Variants in GALNT13 observed in about 807,000 individuals in gnomAD.
The protein encoded by GALNT13 is UDP-GalNAc:polypeptide N-acetylgalactosaminyltransferase 13.
GALNT13 carries 28 observed loss-of-function variants against 64.2 expected under a neutral mutation model. The ratio of observed to expected loss-of-function variants is 0.44; its 90% CI spans 0.32 to 0.60. The LOEUF is 0.60. Ranked by LOEUF, GALNT13 falls within the 20% of genes least tolerant of loss-of-function variation. The probability of loss-of-function intolerance (pLI) is 0.05; values close to 1 mark genes in which losing one functional copy is unlikely to be tolerated. For synonymous variants in GALNT13, 214 were observed against 224.6 expected, an observed-to-expected ratio of 0.95 and a Z score of 0.42; for missense variants, 577 against 669.8, an observed-to-expected ratio of 0.86 and a Z score of 1.53.
chr2:154,041,750 A>G (rs897532343), intron 3 of GALNT13, among the ~76,000 whole-genome samples: 3 of 140,616 alleles, frequency 2.1e-5, no homozygotes, highest in African/African-American at 7.3e-5. Context: ...GGGAATCTCT[A>G]ATGTCTTTCA....
chr2:153,856,222 T>C, the GALNT13 span, among the ~76,000 whole-genome samples: 2 of 148,832 alleles, frequency 1.3e-5, no homozygotes, highest in African/African-American at 2.5e-5. Flanking sequence ...GTTGTAAGTG[T>C]TATAAATTGT....
chr2:153,530,372 A>G, the GALNT13 span, among the ~76,000 whole-genome samples: 1 of 152,098 alleles, frequency 6.6e-6, no homozygotes, highest in Non-Finnish European at 1.5e-5. Context: ...AATAGAAGAA[A>G]ATTTCAAAAA....
At chr2:153,871,110 T>A (rs1685896917), upstream of GALNT13, among the ~76,000 whole-genome samples, 1 of 150,496 alleles carries the variant, frequency 6.6e-6, no homozygotes, top group African/African-American at 2.5e-5. Context: ...TACATGTATT[T>A]AAACTCAGTA....
At chr2:154,097,702 A>G (rs1472336566) in intron 3 of GALNT13, among the ~76,000 whole-genome samples, 5 of 150,186 alleles carry the variant, frequency 3.3e-5, no homozygotes, top group African/African-American at 1.2e-4. Context: ...AAAAAAAAAT[A>G]CATATTAGGA....
At chr2:153,799,227 T>C in the GALNT13 span, among the ~76,000 whole-genome samples, 15 of 152,158 alleles carry the variant, frequency 9.9e-5, no homozygotes, top group Non-Finnish European at 1.8e-4. Flanking sequence ...GTTTAGTTTG[T>C]TCTATTTTTG....
intron 3 of GALNT13, among the ~76,000 whole-genome samples, chr2:154,013,384 T>C (rs749900584): frequency 5.3e-5 from 8 of 152,152 alleles, no homozygotes; most frequent in East Asian, 1.9e-4. Flanking sequence ...GCTGAAGCGT[T>C]CCTCATAAGC....
intron 7 of GALNT13, among the ~76,000 whole-genome samples, chr2:154,254,451 G>A (rs1039390649): frequency 6.6e-6 from 1 of 152,058 alleles, no homozygotes; most frequent in Admixed American, 6.6e-5. Context: ...AATTTCAGAA[G>A]CAGAAGAATC....
intron 3 of GALNT13, among the ~76,000 whole-genome samples, chr2:154,061,297 G>A (rs541138891): frequency 3.3e-5 from 5 of 152,076 alleles, no homozygotes. Flanking sequence ...ATTGCAATGC[G>A]TTGGCTGTAA....
chr2:153,544,781 A>T, the GALNT13 span, among the ~76,000 whole-genome samples: 1 of 152,194 alleles, frequency 6.6e-6, no homozygotes, highest in Non-Finnish European at 1.5e-5. Context: ...TATAATACTG[A>T]AGTATGTAGT....
chr2:153,965,462 C>G (rs960221828), intron 3 of GALNT13, among the ~76,000 whole-genome samples: 1 of 151,866 alleles, frequency 6.6e-6, no homozygotes, highest in Admixed American at 6.6e-5. Flanking sequence ...TTTTTCTGTG[C>G]GTGGCTTGTT....
rs144036894 is a variant in GALNT13 at position 154,178,695 on chromosome 2, C to G, written c.311+38190C>G. 4.7e-3 allele frequency among the ~76,000 whole-genome samples: 709 copies of G among 152,280 alleles called. 5 individuals carry two copies. Among genetic ancestry groups the G allele is most frequent in the African/African-American group, 0.016 (651 of 41,568 alleles). On this transcript the variant is annotated intron_variant, in intron 4 of 12. Coordinates refer to ENST00000392825, the MANE Select transcript of GALNT13 (RefSeq NM_052917.4). ...ACTCTTCCAGTTCCATTGTCCTCAT[C>G]ATTTGCTGCCTGAGGGTTTGCAATA...
chr2:154,045,680 T>A (rs1699240811), intron 3 of GALNT13, among the ~76,000 whole-genome samples: 1 of 152,172 alleles, frequency 6.6e-6, no homozygotes, highest in Non-Finnish European at 1.5e-5. Context: ...AGCCCCTAAA[T>A]TCTAGAGAAA....
the GALNT13 span, among the ~76,000 whole-genome samples, chr2:153,541,258 C>T: frequency 6.6e-6 from 1 of 152,140 alleles, no homozygotes; most frequent in African/African-American, 2.4e-5. Flanking sequence ...CTTCCTGCCA[C>T]CATGTGAAGG....
chr2:153,437,546 C>A, the GALNT13 span, among the ~76,000 whole-genome samples: 2 of 152,122 alleles, frequency 1.3e-5, no homozygotes, highest in Non-Finnish European at 2.9e-5. Flanking sequence ...ATAGTTAGCT[C>A]TTCTTGTTGA....
intron 2 of GALNT13, among the ~76,000 whole-genome samples, chr2:153,921,811 A>G (rs549740339): frequency 4.6e-5 from 7 of 152,254 alleles, no homozygotes; most frequent in African/African-American, 9.6e-5. Flanking sequence ...CAACTAACAA[A>G]TATATCCTGC....
At chr2:153,580,515 A>C in the GALNT13 span, among the ~76,000 whole-genome samples, 1 of 152,154 alleles carries the variant, frequency 6.6e-6, no homozygotes, top group Non-Finnish European at 1.5e-5. Flanking sequence ...ATGAGAAATA[A>C]GTTTTTTCTA....
intron 8 of GALNT13, among the ~76,000 whole-genome samples, chr2:154,288,392 T>A (rs992022061): frequency 6.6e-6 from 1 of 151,958 alleles, no homozygotes; most frequent in Admixed American, 6.6e-5. Flanking sequence ...TGTGAGCCCC[T>A]CATGTCCTCA....
At chr2:154,154,224 A>T (rs1309223448) in intron 4 of GALNT13, among the ~76,000 whole-genome samples, 1 of 152,242 alleles carries the variant, frequency 6.6e-6, no homozygotes, top group Non-Finnish European at 1.5e-5. Flanking sequence ...TTCCAAAAAA[A>T]TAAGAAAATT....
At chr2:153,774,528 A>G in the GALNT13 span, among the ~76,000 whole-genome samples, 1 of 152,196 alleles carries the variant, frequency 6.6e-6, no homozygotes. Context: ...GGAAATCTAT[A>G]TTTATACTTC....
Sources: allele counts gnomAD v4.1 joint callset (sites outside exome capture counted in the v4.1 genomes callset), GRCh38; gene constraint gnomAD v4.1.1; transcripts MANE v1.5; gene names NCBI Gene and HGNC (gene_info 2026-07-23, HGNC 2026-07-21).